The following RABGAP1L variants were observed in gnomAD, a reference collection of about 807,000 sequenced individuals.
The protein encoded by RABGAP1L is rab GTPase-activating protein 1-like.
RABGAP1L carries 63 observed loss-of-function variants against 137.7 expected under a neutral mutation model. The observed-to-expected ratio is 0.46, with a 90% CI of 0.37 to 0.56. RABGAP1L has a LOEUF of 0.56. Among genes scored for constraint, RABGAP1L ranks in the 20% least tolerant of loss-of-function variants. The pLI is 0.00. For synonymous variants in RABGAP1L, 431 were observed against 433.7 expected, an observed-to-expected ratio of 0.99 and a Z score of 0.08; for missense variants, 1,095 against 1,244.0, an observed-to-expected ratio of 0.88 and a Z score of 1.80.
chr1:174,702,734 A>G (rs186132662), intron 17 of RABGAP1L, among the ~76,000 whole-genome samples: 14 of 152,220 alleles, frequency 9.2e-5, no homozygotes, highest in Middle Eastern at 3.4e-3. Context: ...AACTAAAGCT[A>G]TTATGTCATA....
At chr1:174,359,048 T>C (rs1297571920) in intron 11 of RABGAP1L, among the ~76,000 whole-genome samples, 2 of 152,216 alleles carry the variant, frequency 1.3e-5, no homozygotes, top group Non-Finnish European at 1.5e-5. Flanking sequence ...AAAGTAGGAT[T>C]TAGCTAAGCC....
At chr1:174,382,728 G>C (rs1460039792) in intron 12 of RABGAP1L, among the ~76,000 whole-genome samples, 2 of 135,668 alleles carry the variant, frequency 1.5e-5, no homozygotes, top group African/African-American at 5.5e-5. Flanking sequence ...CTTTGCCTTT[G>C]GTTTGAATGT....
At chr1:174,569,938 G>A (rs1352113346) in intron 13 of RABGAP1L, among the ~76,000 whole-genome samples, 2 of 152,250 alleles carry the variant, frequency 1.3e-5, no homozygotes, top group Admixed American at 1.3e-4. Flanking sequence ...ATTATCAAGA[G>A]CAATGATGTA....
chr1:174,483,301 A>G (rs1262186988), intron 13 of RABGAP1L, among the ~76,000 whole-genome samples: 2 of 151,782 alleles, frequency 1.3e-5, no homozygotes, highest in Admixed American at 1.3e-4. Flanking sequence ...TCCCCTCTCA[A>G]CCTCTGGTAA....
At chr1:174,694,946 G>A (rs2148507009) in intron 15 of RABGAP1L, among the ~76,000 whole-genome samples, 1 of 152,096 alleles carries the variant, frequency 6.6e-6, no homozygotes, top group East Asian at 1.9e-4. Context: ...TTCTCTGATG[G>A]CCAGTGATGG....
At chr1:174,954,339 A>T (rs1450105729) in intron 19 of RABGAP1L, 1 of 152,172 alleles carries the variant, frequency 6.6e-6, no homozygotes, top group African/African-American at 2.4e-5. Flanking sequence ...GTTTCCCTGA[A>T]CAAGATGAAG....
intron 19 of RABGAP1L, among the ~76,000 whole-genome samples, chr1:174,863,612 G>T (rs570131570): frequency 2.0e-5 from 3 of 151,152 alleles, no homozygotes; most frequent in African/African-American, 7.3e-5. Flanking sequence ...GGCGGAGCTT[G>T]CAGTGAGCCG....
intron 13 of RABGAP1L, among the ~76,000 whole-genome samples, chr1:174,599,788 G>T (rs1670274244): frequency 6.6e-6 from 1 of 152,038 alleles, no homozygotes; most frequent in Non-Finnish European, 1.5e-5. Flanking sequence ...TTTGATTATT[G>T]AATGCCCTGA....
intron 12 of RABGAP1L, among the ~76,000 whole-genome samples, chr1:174,388,065 A>G (rs1686947029): frequency 6.6e-6 from 1 of 152,124 alleles, no homozygotes; most frequent in Admixed American, 6.5e-5. Context: ...GTCGGGAAAA[A>G]TAGGTAGGCA....
chr1:174,278,895 C>A, intron 10 of RABGAP1L, 116 bp downstream of exon 10: 2 of 942,470 alleles, frequency 2.1e-6, no homozygotes, highest in Non-Finnish European at 2.9e-6. Context: ...TCAAAGAAAT[C>A]AAATGATATT....
chr1:174,385,207 C>T (rs753310961), intron 12 of RABGAP1L, among the ~76,000 whole-genome samples: 1 of 152,120 alleles, frequency 6.6e-6, no homozygotes, highest in African/African-American at 2.4e-5. Context: ...GACATGTGAT[C>T]GGATTCTGGA....
rs1686241979 is a variant in RABGAP1L, at chr1:174,772,983, G to A, written c.2211+20629G>A. On this transcript the variant is annotated intron_variant, in intron 18 of 25. Transcript: ENST00000681986. ...CTATTTTATCAGTGATTCTATTACT[G>A]TTAATACTGTATTGACTTGTTGGTA... Among the ~76,000 whole-genome samples, 4 of 152,022 alleles carry A rather than the reference G, an allele frequency of 2.6e-5. 1 individual carries two copies. The highest frequency in any genetic ancestry group is 5.9e-5 in the Non-Finnish European group (4 of 68,018).
rs566347989 is a variant in RABGAP1L at position 174,341,580 on chromosome 1, T to TA, written c.1466-29395dup. Among the ~76,000 whole-genome samples, 111 of 152,312 alleles carry TA rather than the reference T, an allele frequency of 7.3e-4. No homozygotes were observed. The South Asian group carries it at 7.7e-3, about 11-fold the overall frequency. On this transcript the variant is annotated intron_variant, in intron 11 of 25. Coordinates refer to ENST00000681986, the MANE Select transcript of RABGAP1L (RefSeq NM_001366446.1). ...ACATGTTTTGCACAGATGTTTTATT[T>TA]AAAATCCCTGAAGTTTGAACTGAAA...
At chr1:174,814,907 C>T (rs957856456) in intron 19 of RABGAP1L, among the ~76,000 whole-genome samples, 2 of 152,052 alleles carry the variant, frequency 1.3e-5, no homozygotes, top group South Asian at 4.1e-4. Flanking sequence ...AGGCTGGTCT[C>T]GAACTCCTGA....
At chr1:174,251,183 G>A (rs1410321892) in intron 6 of RABGAP1L, among the ~76,000 whole-genome samples, 1 of 152,026 alleles carries the variant, frequency 6.6e-6, no homozygotes, top group Non-Finnish European at 1.5e-5. Context: ...TAAAAACTAC[G>A]ATCTTGTCAG....
intron 1 of RABGAP1L, among the ~76,000 whole-genome samples, chr1:174,211,557 T>G (rs1268386707): frequency 6.6e-6 from 1 of 151,990 alleles, no homozygotes; most frequent in Non-Finnish European, 1.5e-5. Context: ...ACTAAAAGGA[T>G]GACAGAAAGG....
intron 13 of RABGAP1L, among the ~76,000 whole-genome samples, chr1:174,485,779 A>G (rs921160960): frequency 6.6e-6 from 1 of 152,158 alleles, no homozygotes; most frequent in African/African-American, 2.4e-5. Context: ...ATATTCATCA[A>G]TGATATTGGC....
chr1:174,444,083 G>C (rs921132582), intron 13 of RABGAP1L, among the ~76,000 whole-genome samples: 1 of 141,492 alleles, frequency 7.1e-6, no homozygotes, highest in Non-Finnish European at 1.6e-5. Flanking sequence ...CTATAACTTT[G>C]TAGTGTATTT....
intron 1 of RABGAP1L, among the ~76,000 whole-genome samples, chr1:174,182,352 T>C (rs948489394): frequency 6.6e-6 from 1 of 152,240 alleles, no homozygotes; most frequent in Non-Finnish European, 1.5e-5. Flanking sequence ...GTGACCTTAA[T>C]AGTTTTCAAG....
Sources: gnomAD v4.1 joint callset for allele counts (sites outside exome capture counted in the v4.1 genomes callset) on GRCh38, gnomAD v4.1.1 for gene constraint, MANE v1.5 for transcripts, NCBI Gene and HGNC (gene_info 2026-07-23, HGNC 2026-07-21) for gene names.